The following TFB1M variants were observed in gnomAD, a reference collection of about 807,000 sequenced individuals.
TFB1M encodes dimethyladenosine transferase 1, mitochondrial.
Under a neutral mutation model 31.1 loss-of-function variants are expected in TFB1M, and 27 were observed. That is an observed-to-expected ratio of 0.87 (90% confidence interval 0.64 to 1.20). The LOEUF (loss-of-function observed/expected upper bound fraction) is 1.20. TFB1M is among the 50% of genes most tolerant of loss of function. TFB1M has a pLI of 0.00. For missense variants in TFB1M, 394 were observed against 418.7 expected, an observed-to-expected ratio of 0.94 and a Z score of 0.51; for synonymous variants, 166 against 151.8, an observed-to-expected ratio of 1.09 and a Z score of -0.69.
the TFB1M span, among the ~76,000 whole-genome samples, chr6:155,245,155 T>C: frequency 6.6e-6 from 1 of 152,188 alleles, no homozygotes; most frequent in African/African-American, 2.4e-5. Flanking sequence ...ATTAAGAGAA[T>C]AGGTTTCTAA....
chr6:155,237,715 T>C, the TFB1M span, among the ~76,000 whole-genome samples: 7 of 152,252 alleles, frequency 4.6e-5, no homozygotes. Flanking sequence ...TCTGAAGCCA[T>C]GGCTCAAGCT....
chr6:155,257,870 T>C lies in TFB1M; in HGVS notation c.1007A>G (p.Lys336Arg). The C allele has an allele frequency of 1.2e-6, 2 of 1,614,140 alleles. No individual in the cohort carries two copies. The highest frequency in any genetic ancestry group is 1.7e-6 in the Non-Finnish European group (2 of 1,179,996). Residue 336 changes from lysine (K) to arginine (R), a missense_variant, in exon 7 of 7, where the codon AAA becomes AGA. Physicochemically the swap from Lys to Arg is conservative, Grantham distance 26. Coordinates refer to ENST00000367166, the MANE Select transcript of TFB1M (RefSeq NM_016020.4). ...LKRRKSKNEE[K>R]EEDDAENYRL ...GTAATTCTCTGCGTCATCCTCTTCTTTTTCTTCATTTTTGCTTTTTCTTCG... is the reference window on the plus strand; with the variant it reads ...GTAATTCTCTGCGTCATCCTCTTCTCTTTCTTCATTTTTGCTTTTTCTTCG...
chr6:155,311,323 T>C lies in TFB1M; in HGVS notation c.150A>G (p.Lys50=). ...CATAAGCATTTGTCAGATTGCCAGC[T>C]TTCCTTACAATCTTATCTAGAGGAA... The part of the protein sequence containing the change: ...DLRLTDKIVR[K]AGNLTNAYVY... The change falls in exon 2 of 7, where the codon AAA becomes AAG. Residue 50 remains lysine (K), a synonymous_variant. Coordinates refer to ENST00000367166, the MANE Select transcript of TFB1M (RefSeq NM_016020.4). The C allele has an allele frequency of 6.2e-7, 1 of 1,614,002 alleles. No homozygotes were observed. Among genetic ancestry groups the C allele is most frequent in the Non-Finnish European group, 8.5e-7 (1 of 1,179,852 alleles).
At chr6:155,231,945 G>A in the TFB1M span, among the ~76,000 whole-genome samples, 1 of 152,182 alleles carries the variant, frequency 6.6e-6, no homozygotes, top group Non-Finnish European at 1.5e-5. Context: ...GCCAGGCTTG[G>A]TGGCACGCAC....
Position 155,267,238 on chromosome 6 carries a change from G to A in TFB1M, c.667-6838C>T, listed in dbSNP as rs1215356263. On this transcript the variant is annotated intron_variant, in intron 5 of 6. Transcript: ENST00000367166. ...AATCCACCTGCCTTGGCCTCCCAAA[G>A]TGTTGGGATTATGGGCATGAGCCAC... Among the ~76,000 whole-genome samples the A allele has an allele frequency of 2.0e-5, 3 of 152,212 alleles. No homozygotes were observed. The South Asian group carries it at 6.2e-4, about 31-fold the overall frequency.
rs1777284103 is a variant in TFB1M at position 155,298,507 on chromosome 6, A to G, written c.364T>C (p.Ser122Pro). 1 of 1,612,532 alleles carries G rather than the reference A, an allele frequency of 6.2e-7. No individual in the cohort carries two copies. The highest frequency in any genetic ancestry group is 8.5e-7 in the Non-Finnish European group (1 of 1,178,758). The change falls in exon 3 of 7, where the codon TCA becomes CCA. Residue 122 changes from serine (S) to proline (P), a missense_variant. Physicochemically the swap from Ser to Pro is moderately conservative, Grantham distance 74 (BLOSUM62 -1). This residue lies in a region of TFB1M where 273 missense variants were observed against 256.4 expected (regional missense o/e 1.06). Transcript: ENST00000367166. ...VLTFKVEKAF[S>P]ESLKRPWEDD... ...TCCCAGGGTCTTTTAAGACTTTCTG[A>G]AAAAGCCTTTTCTACCTTAAATGTC... is the stretch of plus-strand genomic sequence containing the variant.
At chr6:155,236,121 C>T in the TFB1M span, among the ~76,000 whole-genome samples, 8 of 152,094 alleles carry the variant, frequency 5.3e-5, no homozygotes, top group East Asian at 5.8e-4. Flanking sequence ...GTATTATCAT[C>T]GTGAACATTT....
In TFB1M at chr6:155,311,299, A is replaced by G. The variant is rs1482639559; in HGVS notation, c.174T>C (p.Tyr58=). The change falls in exon 2 of 7, where the codon TAT becomes TAC. Residue 58 remains tyrosine, a synonymous_variant. Coordinates refer to ENST00000367166, the MANE Select transcript of TFB1M (RefSeq NM_016020.4). ...CTGGCCCAGGGCCCACTTCGTAAAC[A>G]TAAGCATTTGTCAGATTGCCAGCTT... is the stretch of plus-strand genomic sequence containing the variant. ...VRKAGNLTNA[Y]VYEVGPGPGG... is the part of the protein sequence containing the mutation. 6.2e-7 allele frequency: 1 copy of G among 1,614,106 alleles called. No homozygotes were observed. Among genetic ancestry groups the G allele is most frequent in the Non-Finnish European group, 8.5e-7 (1 of 1,179,944 alleles).
intron 5 of TFB1M, among the ~76,000 whole-genome samples, chr6:155,265,640 A>G (rs1320364260): frequency 6.7e-6 from 1 of 149,446 alleles, no homozygotes; most frequent in Non-Finnish European, 1.5e-5. Context: ...AAACATTTGT[A>G]TTAGGGTTCT....
intron 2 of TFB1M, among the ~76,000 whole-genome samples, chr6:155,299,718 T>C (rs1583371175): frequency 6.6e-6 from 1 of 152,148 alleles, no homozygotes; most frequent in Non-Finnish European, 1.5e-5. Context: ...TTGGTCCTAA[T>C]TCTCTAGGTC....
chr6:155,286,483 GTGTGTATATATATGTGTGTATATATA>G (rs1562407498), intron 4 of TFB1M, among the ~76,000 whole-genome samples: 597 of 35,322 alleles, frequency 0.017, no homozygotes, highest in Middle Eastern at 0.13. Flanking sequence ...ATATATATGT[GTGTGTATATATATGTGTGTATATATA>G]TGTGTGTATA....
intron 4 of TFB1M, among the ~76,000 whole-genome samples, chr6:155,290,848 C>T (rs1776890757): frequency 6.6e-6 from 1 of 152,124 alleles, no homozygotes; most frequent in African/African-American, 2.4e-5. Flanking sequence ...TGGACTTTGT[C>T]GCTGGCTCCT....
intron 3 of TFB1M, among the ~76,000 whole-genome samples, chr6:155,297,617 A>C (rs1196945668): frequency 6.6e-6 from 1 of 152,234 alleles, no homozygotes. Context: ...TAGAAAAACA[A>C]CCACCAGCTA....
At chr6:155,262,478 T>C (rs558614298) in intron 5 of TFB1M, among the ~76,000 whole-genome samples, 2 of 152,292 alleles carry the variant, frequency 1.3e-5, no homozygotes, top group African/African-American at 2.4e-5. Context: ...CCCTTGTCCC[T>C]GCCTCCCGTT....
intron 5 of TFB1M, among the ~76,000 whole-genome samples, chr6:155,262,881 C>T (rs1369885561): frequency 6.6e-6 from 1 of 152,160 alleles, no homozygotes; most frequent in East Asian, 1.9e-4. Flanking sequence ...AAACCCTGAA[C>T]AAATATAGTA....
chr6:155,275,978 G>A (rs1475407447), intron 5 of TFB1M: 1 of 1,614,072 alleles, frequency 6.2e-7, no homozygotes, highest in Admixed American at 1.7e-5. Context: ...CATGGTCCTG[G>A]CGTGTGTTCT....
chr6:155,249,757 C>A, the TFB1M span: 1 of 1,059,652 alleles, frequency 9.4e-7, no homozygotes, highest in Non-Finnish European at 1.4e-6. Flanking sequence ...GGTCTGGAAT[C>A]CTGAGTTGAA....
At chr6:155,303,719 A>C (rs1777536846) in intron 2 of TFB1M, among the ~76,000 whole-genome samples, 1 of 152,208 alleles carries the variant, frequency 6.6e-6, no homozygotes, top group Admixed American at 6.5e-5. Flanking sequence ...AAATTACCTC[A>C]TATGTCTCTT....
the TFB1M span, chr6:155,249,979 A>G: frequency 0.99 from 1,590,816 of 1,607,164 alleles, 787,509 homozygotes; most frequent in East Asian, 1. Flanking sequence ...GGTCCGTGAG[A>G]CATCTGCACC....
Sources: gnomAD v4.1 joint callset for allele counts (sites outside exome capture counted in the v4.1 genomes callset) on GRCh38, gnomAD v4.1.1 for gene constraint, gnomAD v4.1.1 regional missense constraint, MANE v1.5 for transcripts, NCBI Gene and HGNC (gene_info 2026-07-23, HGNC 2026-07-21) for gene names.